The following DPP9 variants were observed in gnomAD, a reference collection of about 807,000 sequenced individuals.
DPP9 encodes the protein dipeptidyl peptidase IV-related protein-2.
In DPP9, 50 loss-of-function variants were observed where a neutral mutation model predicts 110.7. The observed-to-expected ratio is 0.45, with a 90% CI of 0.36 to 0.57. The LOEUF (loss-of-function observed/expected upper bound fraction) is 0.57, where lower values mean the gene tolerates loss of function less well. Among genes scored for constraint, DPP9 ranks in the 20% least tolerant of loss-of-function variants. The pLI is 0.00. For missense variants in DPP9, 1,022 were observed against 1,217.9 expected (o/e 0.84, Z 2.39); for synonymous variants, 561 against 514.4 (o/e 1.09, Z -1.23).
At chr19:4,717,930 A>G (rs1407827817) in intron 3 of DPP9, 3 of 152,286 alleles carry the variant, frequency 2.0e-5, no homozygotes, top group Non-Finnish European at 4.4e-5. Context: ...AGCTGCAGAG[A>G]TGGATTCCAG....
chr19:4,718,974 G>A lies in DPP9; in HGVS notation c.56+877C>T, dbSNP rs1413776822. Among the ~76,000 whole-genome samples, 1 of 152,060 alleles carries A rather than the reference G, an allele frequency of 6.6e-6. No homozygotes were observed. The highest frequency in any genetic ancestry group is 6.6e-5 in the Admixed American group (1 of 15,258). ...GAGTTTACTGACTGCCCCGGGGGGT[G>A]CGTGTCTAACCACATTCCATCCACA... On this transcript the variant is annotated intron_variant, in intron 3 of 21. Coordinates refer to ENST00000262960, the MANE Select transcript of DPP9 (RefSeq NM_139159.5). The surrounding 1 kb of genome is among the most constrained non-coding windows in gnomAD (Gnocchi z 4.3).
chr19:4,715,473 T>C (rs2145930390), intron 3 of DPP9: 2 of 152,288 alleles, frequency 1.3e-5, no homozygotes, highest in Middle Eastern at 6.8e-3. Flanking sequence ...CAGCGGTTAT[T>C]TGTGGGACCC....
intron 3 of DPP9, among the ~76,000 whole-genome samples, chr19:4,717,350 AC>A (rs1223897334): frequency 6.6e-6 from 1 of 152,120 alleles, no homozygotes; most frequent in East Asian, 1.9e-4. Flanking sequence ...TGGGACCAGG[AC>A]CGCCTGAGCA....
At chr19:4,690,760 T>G in intron 14 of DPP9, 118 bp downstream of exon 14, 208 of 812,528 alleles carry the variant, frequency 2.6e-4, no homozygotes, top group Non-Finnish European at 3.7e-4. Flanking sequence ...TGTGTATGTG[T>G]GAGAATGAGT....
In DPP9 at chr19:4,710,377, G is replaced by A. The variant is rs1023071790; in HGVS notation, c.313+3704C>T. The stretch of plus-strand genomic sequence containing the variant: ...GCCTCCTCCAGCCACAGAAGTCACC[G>A]TTTGCAGTGGGGAGAGGCTGATCCG... On this transcript the variant is annotated intron_variant, in intron 4 of 21. Coordinates refer to ENST00000262960, the MANE Select transcript of DPP9 (RefSeq NM_139159.5). The surrounding 1 kb of genome is among the most constrained non-coding windows in gnomAD (Gnocchi z 5.6). Among the ~76,000 whole-genome samples the A allele has an allele frequency of 2.0e-5, 3 of 152,218 alleles. No individual in the cohort carries two copies. The highest frequency in any genetic ancestry group is 4.8e-5 in the African/African-American group (2 of 41,450).
In DPP9 at chr19:4,700,687, G is replaced by C. The variant is rs998196819; in HGVS notation, c.1013-410C>G. Among the ~76,000 whole-genome samples the C allele has an allele frequency of 2.6e-5, 4 of 152,210 alleles. No homozygotes were observed. The highest frequency in any genetic ancestry group is 9.6e-5 in the African/African-American group (4 of 41,462). On this transcript the variant is annotated intron_variant, in intron 9 of 21. Coordinates refer to ENST00000262960, the MANE Select transcript of DPP9 (RefSeq NM_139159.5). The surrounding 1 kb of genome is among the most constrained non-coding windows in gnomAD (Gnocchi z 4.3). ...GTAAAACTGACAACGTGACAAGTGGGGTGTGTCCCATGCAAAACCAGGGAG... is the reference window on the plus strand; with the variant it reads ...GTAAAACTGACAACGTGACAAGTGGCGTGTGTCCCATGCAAAACCAGGGAG...
rs1425199694 is a variant in DPP9, at chr19:4,704,319, G to C, written c.427-15C>G. The C allele has an allele frequency of 1.3e-6, 2 of 1,598,096 alleles. No homozygotes were observed. The highest frequency in any genetic ancestry group is 2.7e-5 in the African/African-American group (2 of 74,702). ...TGGGGCGTGGCCTGGAAACATACAG[G>C]GGACAGGGGGCAGCGTCAGTGGGCA... On this transcript the variant is annotated splice_polypyrimidine_tract_variant and intron_variant, in intron 5 of 21. Coordinates refer to ENST00000262960, the MANE Select transcript of DPP9 (RefSeq NM_139159.5). This position sits in a 1 kb window ranked among gnomAD's most constrained non-coding sequence, Gnocchi z 6.0.
chr19:4,685,911 GA>G lies in DPP9; in HGVS notation c.1886-141del, dbSNP rs1041499509. On this transcript the variant is annotated intron_variant, in intron 16 of 21. Transcript: ENST00000262960. This position sits in a 1 kb window ranked among gnomAD's most constrained non-coding sequence, Gnocchi z 5.8. ...CTGGGCTTCCCGAGAGTTGATAATT[GA>G]AAAAAACGTTTTTTTTTCATTAAAT... 7.3e-6 allele frequency: 7 copies of G among 961,822 alleles called. No individual in the cohort carries two copies. The highest frequency in any genetic ancestry group is 1.0e-5 in the Non-Finnish European group (7 of 670,016). 59.6% of individuals were successfully genotyped at this position (961,822 alleles called of 1,614,324 possible). A position where few individuals can be genotyped will look rare whatever the true frequency, so the allele number is the denominator to read the frequency against.
intron 13 of DPP9, among the ~76,000 whole-genome samples, chr19:4,692,821 A>G (rs2091446222): frequency 6.6e-6 from 1 of 152,140 alleles, no homozygotes; most frequent in Non-Finnish European, 1.5e-5. Flanking sequence ...TGAAACACCA[A>G]TGAGCCGAAG....
rs2092802788 is a variant in DPP9, at chr19:4,710,956, C to T, written c.313+3125G>A. Among the ~76,000 whole-genome samples the T allele has an allele frequency of 6.6e-6, 1 of 152,220 alleles. No homozygotes were observed. The highest frequency in any genetic ancestry group is 6.5e-5 in the Admixed American group (1 of 15,282). On this transcript the variant is annotated intron_variant, in intron 4 of 21. Coordinates refer to ENST00000262960, the MANE Select transcript of DPP9 (RefSeq NM_139159.5). The surrounding 1 kb of genome is among the most constrained non-coding windows in gnomAD (Gnocchi z 5.6). ...CCTGCCTGTCCCAGCCCCAGACACA[C>T]ACACGAGCCACAGGCGACCCGACGA...
At chr19:4,715,310 A>T (rs1485982043) in intron 3 of DPP9, among the ~76,000 whole-genome samples, 2 of 152,274 alleles carry the variant, frequency 1.3e-5, no homozygotes, top group East Asian at 3.9e-4. Context: ...GGCATGAGCC[A>T]CTGCACCCAG....
intron 16 of DPP9, among the ~76,000 whole-genome samples, chr19:4,686,164 T>G (rs2090671458): frequency 6.6e-6 from 1 of 151,890 alleles, no homozygotes; most frequent in Admixed American, 6.6e-5. Flanking sequence ...CTTGGCTCAC[T>G]GCAACCTCCG....
In DPP9 at chr19:4,718,016, C is replaced by G. The variant is rs1313082423; in HGVS notation, c.56+1835G>C. On this transcript the variant is annotated intron_variant, in intron 3 of 21. Transcript: ENST00000262960. This position sits in a 1 kb window ranked among gnomAD's most constrained non-coding sequence, Gnocchi z 4.3. ...CCTCTGCGGCCTGTGACACCACCAG[C>G]AAACAGCTCCAGACCTCCTAGCATG... 1 of 152,328 alleles carries G rather than the reference C, an allele frequency of 6.6e-6. No individual in the cohort carries two copies. Among genetic ancestry groups the G allele is most frequent in the Admixed American group, 6.5e-5 (1 of 15,286 alleles). The allele number at this position is 152,328 out of a possible 1,614,324, so 9.4% of individuals were successfully genotyped here.
intron 13 of DPP9, among the ~76,000 whole-genome samples, chr19:4,692,413 C>G (rs1348774932): frequency 6.6e-6 from 1 of 152,140 alleles, no homozygotes; most frequent in Non-Finnish European, 1.5e-5. Context: ...GGTGTGGTTA[C>G]TTGTGGCATC....
intron 3 of DPP9, chr19:4,715,689 C>A (rs2093042728): frequency 6.6e-6 from 1 of 152,218 alleles, no homozygotes; most frequent in Non-Finnish European, 1.5e-5. Context: ...TGCTGTCCAG[C>A]CGGGGAGATG....
At chr19:4,711,001 A>G (rs1290870605) in intron 4 of DPP9, among the ~76,000 whole-genome samples, 3 of 152,152 alleles carry the variant, frequency 2.0e-5, no homozygotes, top group African/African-American at 7.2e-5. Flanking sequence ...TGCGGAGTCA[A>G]TCTGAATCTT....
At position 4,684,604 on chromosome 19, in the gene DPP9, G is replaced by A. The variant is rs548712493; in HGVS notation, c.2178+59C>T. On this transcript the variant is annotated intron_variant, in intron 18 of 21. Coordinates refer to ENST00000262960, the MANE Select transcript of DPP9 (RefSeq NM_139159.5). This position sits in a 1 kb window ranked among gnomAD's most constrained non-coding sequence, Gnocchi z 4.8. ...CCGCTCCCATGCCCTGCACCCACAC[G>A]GCCCAGGGCTCCCTTCCCGAGACCC... The A allele has an allele frequency of 9.4e-6, 15 of 1,592,840 alleles. No homozygotes were observed. The highest frequency in any genetic ancestry group is 7.9e-5 in the South Asian group (7 of 88,610).
intron 3 of DPP9, among the ~76,000 whole-genome samples, chr19:4,716,593 T>C (rs535252356): frequency 1.8e-4 from 27 of 150,966 alleles, no homozygotes; most frequent in South Asian, 6.3e-4. Flanking sequence ...GCCGAGATCG[T>C]GCCACTGCAC....
chr19:4,678,866 T>C (rs969960331), intron 21 of DPP9, among the ~76,000 whole-genome samples: 2 of 151,994 alleles, frequency 1.3e-5, no homozygotes, highest in Non-Finnish European at 2.9e-5. Context: ...CCGGTACAAC[T>C]ATGGACCACG....
Sources: gnomAD v4.1 joint callset for allele counts (sites outside exome capture counted in the v4.1 genomes callset) on GRCh38, gnomAD v4.1.1 for gene constraint, Gnocchi (gnomAD v3.1) non-coding constraint, MANE v1.5 for transcripts, NCBI Gene and HGNC (gene_info 2026-07-23, HGNC 2026-07-21) for gene names.